ITGA1: variants seen among roughly 807,000 people sequenced by gnomAD.
ITGA1 encodes integrin subunit alpha 1.
In ITGA1, 85 loss-of-function variants were observed where a neutral mutation model predicts 145.9. The ratio of observed to expected loss-of-function variants is 0.58; its 90% CI spans 0.49 to 0.70. The LOEUF is 0.70. ITGA1 is among the 30% of genes least tolerant of loss of function. ITGA1 has a pLI of 0.00. For missense variants in ITGA1, 1,351 were observed against 1,418.7 expected (o/e 0.95, Z 0.77); for synonymous variants, 520 against 495.3 (o/e 1.05, Z -0.66).
chr5:52,915,236 C>T (rs1246401991), intron 14 of ITGA1, among the ~76,000 whole-genome samples: 3 of 152,202 alleles, frequency 2.0e-5, no homozygotes, highest in Admixed American at 2.0e-4. Flanking sequence ...TTTTCCCTCT[C>T]TCTGGTGTCA....
chr5:52,938,066 T>A (rs911614306), intron 24 of ITGA1, among the ~76,000 whole-genome samples: 6 of 152,186 alleles, frequency 3.9e-5, no homozygotes, highest in Non-Finnish European at 7.3e-5. Context: ...CCAAGTAAAG[T>A]CATATTTACT....
intron 1 of ITGA1, among the ~76,000 whole-genome samples, chr5:52,828,377 G>A (rs544680464): frequency 6.6e-6 from 1 of 152,104 alleles, no homozygotes; most frequent in East Asian, 1.9e-4. Context: ...ATATCCCATT[G>A]GGGTTTTAAT....
At chr5:52,865,849 T>C (rs765251919) in intron 6 of ITGA1, 32 bp downstream of exon 6, 2 of 1,523,868 alleles carry the variant, frequency 1.3e-6, no homozygotes, top group Non-Finnish European at 1.8e-6. Flanking sequence ...TTTCTGTTGT[T>C]CTAAAGATAA....
rs370920030 is a variant in ITGA1, at chr5:52,939,698, T to C, written c.3180+7T>C. On this transcript the variant is annotated splice_region_variant and intron_variant, in intron 25 of 28. Transcript: ENST00000282588. ...CAAACGAGGCACAATTCTGGTAAATTAAGACAAGTGCTATTTTTACCTTTT... is the reference window on the plus strand; with the variant it reads ...CAAACGAGGCACAATTCTGGTAAATCAAGACAAGTGCTATTTTTACCTTTT... The C allele has an allele frequency of 1.3e-6, 2 of 1,589,880 alleles. No homozygotes were observed.
chr5:52,866,058 A>G (rs934212316), intron 6 of ITGA1, among the ~76,000 whole-genome samples: 1 of 151,190 alleles, frequency 6.6e-6, no homozygotes, highest in African/African-American at 2.4e-5. Flanking sequence ...TCTGTTGCCC[A>G]GGCTGGAGTG....
Position 52,927,570 on chromosome 5 carries a change from C to T in ITGA1, c.2614-14C>T. The T allele has an allele frequency of 1.3e-6, 2 of 1,583,164 alleles. No homozygotes were observed. The highest frequency in any genetic ancestry group is 1.7e-6 in the Non-Finnish European group (2 of 1,157,256). ...TGCTTGTCCACTCTGATTCTGTTTG[C>T]TTTCTCTTCCTAGGCTATCCAAAAA... On this transcript the variant is annotated splice_polypyrimidine_tract_variant and intron_variant, in intron 19 of 28. Transcript: ENST00000282588.
intron 1 of ITGA1, among the ~76,000 whole-genome samples, chr5:52,841,633 A>C (rs1749254905): frequency 6.6e-6 from 1 of 152,208 alleles, no homozygotes; most frequent in South Asian, 2.1e-4. Flanking sequence ...TCCAACCCAT[A>C]AGACTAATAT....
chr5:52,939,600 G>A lies in ITGA1; in HGVS notation c.3089G>A (p.Cys1030Tyr). The change falls in exon 25 of 29, where the codon TGC (cysteine) becomes TAC (tyrosine). Residue 1030 changes from cysteine to tyrosine, a missense_variant. Physicochemically the swap from Cys to Tyr is radical, Grantham distance 194. Coordinates refer to ENST00000282588, the MANE Select transcript of ITGA1 (RefSeq NM_181501.2). ...TATTTTCATTTCTAGAATGCAAACT[G>A]CAGACCCCATATCTTTGAGGATCCT... ...TGLSSSENAN[C>Y]RPHIFEDPFS... 1.2e-6 allele frequency: 2 copies of A among 1,607,940 alleles called. No homozygotes were observed. The highest frequency in any genetic ancestry group is 1.7e-6 in the Non-Finnish European group (2 of 1,174,882).
At chr5:52,837,544 C>T (rs754927527) in intron 1 of ITGA1, among the ~76,000 whole-genome samples, 8 of 152,014 alleles carry the variant, frequency 5.3e-5, no homozygotes, top group Non-Finnish European at 7.4e-5. Flanking sequence ...CAAATGTAAC[C>T]TCTACCCTGA....
chr5:52,924,474 A>G (rs969501655), intron 18 of ITGA1, among the ~76,000 whole-genome samples: 1 of 152,200 alleles, frequency 6.6e-6, no homozygotes, highest in Admixed American at 6.5e-5. Flanking sequence ...AAAGAGCAAG[A>G]AAGGAGGTGA....
intron 5 of ITGA1, 23 bp downstream of exon 5, chr5:52,865,105 T>C (rs575249468): frequency 1.3e-6 from 2 of 1,532,532 alleles, no homozygotes; most frequent in East Asian, 2.2e-5. Context: ...TGCAATGTTC[T>C]TGCATGTTTG....
At position 52,864,796 on chromosome 5, in the gene ITGA1, A is replaced by G; in HGVS notation, c.329A>G (p.Lys110Arg). Residue 110 changes from lysine (K) to arginine (R), a missense_variant, in exon 4 of 29, where the codon AAG (lysine) becomes AGG (arginine). Physicochemically the swap from Lys to Arg is conservative, Grantham distance 26 (BLOSUM62 2). Coordinates refer to ENST00000282588, the MANE Select transcript of ITGA1 (RefSeq NM_181501.2). ...NTSIPNVTEV[K>R]ENMTFGSTLV... ...TCAATTCCCAATGTCACAGAAGTAA[A>G]GGAGAACATGACATTTGGATCAACT... The G allele has an allele frequency of 6.2e-7, 1 of 1,612,494 alleles. No individual in the cohort carries two copies. The highest frequency in any genetic ancestry group is 1.1e-5 in the South Asian group (1 of 90,832).
At chr5:52,908,712 A>G (rs1452514050) in intron 12 of ITGA1, among the ~76,000 whole-genome samples, 186 bp from the exon 13 acceptor site, 1 of 152,210 alleles carries the variant, frequency 6.6e-6, no homozygotes, top group Non-Finnish European at 1.5e-5. Context: ...GATGGAACCG[A>G]CTGATATTCT....
chr5:52,911,570 T>TACTAG (rs1750534847), intron 14 of ITGA1, among the ~76,000 whole-genome samples: 2 of 54,048 alleles, frequency 3.7e-5, no homozygotes, highest in Non-Finnish European at 9.0e-5. Flanking sequence ...ATCTACTATA[T>TACTAG]ATACTATATA....
At chr5:52,860,861 A>G (rs1749586971) in intron 2 of ITGA1, among the ~76,000 whole-genome samples, 2 of 152,230 alleles carry the variant, frequency 1.3e-5, no homozygotes, top group African/African-American at 4.8e-5. Context: ...AAAGGAAAGT[A>G]AGTGATTTTA....
rs746227634 is a variant in ITGA1, at chr5:52,861,551, A to C, written c.287A>C (p.Asp96Ala). 4 of 1,597,674 alleles carry C rather than the reference A, an allele frequency of 2.5e-6. No individual in the cohort carries two copies. The South Asian group carries it at 3.3e-5, about 13-fold the overall frequency. Residue 96 changes from aspartate (D) to alanine (A), a missense_variant, in exon 3 of 29, where the codon GAT (aspartate) becomes GCT (alanine). Asp to Ala is a moderately radical substitution (Grantham distance 126). Coordinates refer to ENST00000282588, the MANE Select transcript of ITGA1 (RefSeq NM_181501.2). ...GAATCATTACCTTGTGTAAAGTTGG[A>C]TCTACCAGGTATGTAAAATTAAAAA... ...RGESLPCVKLDLPVNTSIPNV... is the reference protein window; with the variant it reads ...RGESLPCVKLALPVNTSIPNV...
At chr5:52,797,089 T>TAA (rs138154126) in intron 1 of ITGA1, among the ~76,000 whole-genome samples, 1 of 151,734 alleles carries the variant, frequency 6.6e-6, no homozygotes, top group African/African-American at 2.4e-5. Flanking sequence ...TGAATCAAAA[T>TAA]AAAAATATAA....
At chr5:52,819,374 G>C (rs1171942363) in intron 1 of ITGA1, among the ~76,000 whole-genome samples, 1 of 152,186 alleles carries the variant, frequency 6.6e-6, no homozygotes, top group Admixed American at 6.5e-5. Context: ...TTGTGGTTTT[G>C]ATTTGCATTT....
rs779265749 is a variant in ITGA1 at position 52,915,461 on chromosome 5, C to T, written c.1858-3C>T. On this transcript the variant is annotated splice_polypyrimidine_tract_variant and splice_region_variant and intron_variant, in intron 14 of 28. Transcript: ENST00000282588. Reference sequence around the variant, plus strand: ...TGAAACTCTTTTTTTTGGATTCTCACAGCGTATTCCATCAGGTGGGGATGG... The same window carrying T: ...TGAAACTCTTTTTTTTGGATTCTCATAGCGTATTCCATCAGGTGGGGATGG... The T allele has an allele frequency of 6.2e-6, 10 of 1,613,284 alleles. No individual in the cohort carries two copies. The South Asian group carries it at 1.1e-4, about 18-fold the overall frequency.
Sources: allele counts gnomAD v4.1 joint callset (sites outside exome capture counted in the v4.1 genomes callset), GRCh38; gene constraint gnomAD v4.1.1; transcripts MANE v1.5; gene names NCBI Gene and HGNC (gene_info 2026-07-23, HGNC 2026-07-21).